CNTNAP2: variants seen among roughly 807,000 people sequenced by gnomAD.
CNTNAP2 encodes the protein contactin associated protein 2.
Under a neutral mutation model 155.2 loss-of-function variants are expected in CNTNAP2, and 98 were observed. The observed-to-expected ratio is 0.63, with a 90% CI of 0.54 to 0.75. The LOEUF is 0.75. Ranked by LOEUF, CNTNAP2 falls within the 30% of genes least tolerant of loss-of-function variation. The pLI is 0.00. For synonymous variants in CNTNAP2, 651 were observed against 631.2 expected (o/e 1.03, Z -0.47); for missense variants, 1,727 against 1,688.1 (o/e 1.02, Z -0.40).
chr7:148,166,950 G>A (rs1805678501), intron 17 of CNTNAP2, among the ~76,000 whole-genome samples: 1 of 152,042 alleles, frequency 6.6e-6, no homozygotes, highest in African/African-American at 2.4e-5. Flanking sequence ...CCGTTTTCAG[G>A]ACAGAAGATT....
At chr7:146,845,059 G>A (rs1803815801) in intron 3 of CNTNAP2, among the ~76,000 whole-genome samples, 2 of 152,014 alleles carry the variant, frequency 1.3e-5, no homozygotes, top group South Asian at 2.1e-4. Context: ...TCACATATAC[G>A]CTTTTCCCAT....
At chr7:148,253,375 AT>A (rs1796404749) in intron 20 of CNTNAP2, among the ~76,000 whole-genome samples, 1 of 152,214 alleles carries the variant, frequency 6.6e-6, no homozygotes, top group Non-Finnish European at 1.5e-5. Flanking sequence ...GATGACACTT[AT>A]TCTCCATATT....
chr7:147,263,981 G>T (rs1804550479), intron 8 of CNTNAP2, among the ~76,000 whole-genome samples: 2 of 152,298 alleles, frequency 1.3e-5, no homozygotes, highest in Middle Eastern at 6.8e-3. Flanking sequence ...TCAGAGGACT[G>T]TCTTGCATTT....
At chr7:148,097,014 C>T (rs757847106) in intron 15 of CNTNAP2, among the ~76,000 whole-genome samples, 6 of 152,056 alleles carry the variant, frequency 3.9e-5, no homozygotes, top group Non-Finnish European at 8.8e-5. Flanking sequence ...TTCTCCCAGC[C>T]AAATCCATGC....
chr7:146,636,868 C>A (rs1450025835), intron 1 of CNTNAP2, among the ~76,000 whole-genome samples: 2 of 152,300 alleles, frequency 1.3e-5, no homozygotes, highest in South Asian at 4.1e-4. Flanking sequence ...CCCCTCATAA[C>A]CTTGCTTTTC....
intron 1 of CNTNAP2, among the ~76,000 whole-genome samples, chr7:146,525,705 C>A (rs1401230887): frequency 2.0e-5 from 3 of 152,224 alleles, no homozygotes; most frequent in Middle Eastern, 6.8e-3. Context: ...TGCTTTGAGG[C>A]CTTCCATAGC....
intron 15 of CNTNAP2, among the ~76,000 whole-genome samples, chr7:148,030,805 A>C (rs2116461645): frequency 6.6e-6 from 1 of 152,240 alleles, no homozygotes; most frequent in South Asian, 2.1e-4. Context: ...AAATGTGGTC[A>C]ACTATAAAGA....
chr7:146,721,855 T>TAGTCTATATATATAGACTATATATAGTC (rs1801336336), intron 1 of CNTNAP2, among the ~76,000 whole-genome samples: 5 of 105,436 alleles, frequency 4.7e-5, no homozygotes, highest in East Asian at 2.6e-4. Flanking sequence ...TATTCTACAT[T>TAGTCTATATATATAGACTATATATAGTC]TATATGTGTG....
At chr7:146,782,746 C>T (rs544581712) in intron 2 of CNTNAP2, among the ~76,000 whole-genome samples, 355 of 152,108 alleles carry the variant, frequency 2.3e-3, no homozygotes, top group African/African-American at 2.9e-3. Context: ...GCAGAGCTAC[C>T]GTGAAGGTTA....
intron 15 of CNTNAP2, among the ~76,000 whole-genome samples, chr7:148,021,158 G>A (rs1802273070): frequency 6.6e-6 from 1 of 150,424 alleles, no homozygotes; most frequent in Non-Finnish European, 1.5e-5. Flanking sequence ...CAGAATCAAG[G>A]TAGGATGCCT....
At chr7:147,154,107 C>T (rs564067250) in intron 8 of CNTNAP2, among the ~76,000 whole-genome samples, 1 of 149,780 alleles carries the variant, frequency 6.7e-6, no homozygotes, top group African/African-American at 2.5e-5. Flanking sequence ...GCCCTCCCCC[C>T]ACAAAAAAAA....
At chr7:146,446,744 A>G (rs1796407817) in intron 1 of CNTNAP2, among the ~76,000 whole-genome samples, 1 of 152,056 alleles carries the variant, frequency 6.6e-6, no homozygotes, top group Non-Finnish European at 1.5e-5. Flanking sequence ...CCTTATTTAG[A>G]TGGCTGGAGA....
intron 1 of CNTNAP2, among the ~76,000 whole-genome samples, chr7:146,343,019 C>G (rs1437527940): frequency 6.6e-6 from 1 of 152,102 alleles, no homozygotes; most frequent in African/African-American, 2.4e-5. Flanking sequence ...GATCTAGAAA[C>G]ACAAGATGCC....
intron 3 of CNTNAP2, among the ~76,000 whole-genome samples, chr7:146,994,404 T>C (rs1384281972): frequency 6.6e-6 from 1 of 152,134 alleles, no homozygotes; most frequent in Non-Finnish European, 1.5e-5. Flanking sequence ...AATGTGTAAT[T>C]TTAAAGACGT....
intron 12 of CNTNAP2, among the ~76,000 whole-genome samples, chr7:147,576,039 A>G (rs1157228525): frequency 7.9e-5 from 12 of 152,024 alleles, no homozygotes; most frequent in Admixed American, 2.6e-4. Context: ...TTCACTTTTT[A>G]ATAGGTTGAA....
At chr7:146,460,153 T>TA (rs1796615436) in intron 1 of CNTNAP2, among the ~76,000 whole-genome samples, 1 of 152,204 alleles carries the variant, frequency 6.6e-6, no homozygotes, top group African/African-American at 2.4e-5. Context: ...TGATAGGTTA[T>TA]ATATAAATTA....
intron 1 of CNTNAP2, among the ~76,000 whole-genome samples, chr7:146,278,736 T>C (rs1318656701): frequency 1.3e-5 from 2 of 152,168 alleles, no homozygotes; most frequent in Non-Finnish European, 2.9e-5. Context: ...TTTGTAGTGA[T>C]GCAGGAATCT....
intron 9 of CNTNAP2, among the ~76,000 whole-genome samples, chr7:147,301,608 G>C (rs948126710): frequency 0.012 from 1,522 of 130,648 alleles, 35 homozygotes; most frequent in African/African-American, 0.037. Context: ...GTGTGTGTGT[G>C]TGTGTGTGTG....
intron 8 of CNTNAP2, among the ~76,000 whole-genome samples, chr7:147,251,459 T>C (rs968813863): frequency 6.6e-6 from 1 of 152,152 alleles, no homozygotes; most frequent in Non-Finnish European, 1.5e-5. Flanking sequence ...GGTAGGTAGG[T>C]AGGTTATGTG....
Sources: gnomAD v4.1 joint callset for allele counts (sites outside exome capture counted in the v4.1 genomes callset) on GRCh38, gnomAD v4.1.1 for gene constraint, MANE v1.5 for transcripts, NCBI Gene and HGNC (gene_info 2026-07-23, HGNC 2026-07-21) for gene names.